Variants in CD2AP observed in about 807,000 individuals in gnomAD.
CD2AP encodes the protein CD2 associated protein, also known as CD2-associated protein.
Under a neutral mutation model 85.1 loss-of-function variants are expected in CD2AP, and 46 were observed. That is an observed-to-expected ratio of 0.54 (90% CI 0.43 to 0.69). The LOEUF is 0.69. Ranked by LOEUF, CD2AP falls within the 30% of genes least tolerant of loss-of-function variation. CD2AP has a pLI of 0.00. For synonymous variants in CD2AP, 255 were observed against 252.9 expected, an observed-to-expected ratio of 1.01 and a Z score of -0.08; for missense variants, 769 against 729.5, an observed-to-expected ratio of 1.05 and a Z score of -0.62.
In CD2AP at chr6:47,558,120, C is replaced by G. The variant is rs1225295398; in HGVS notation, c.541+3354C>G. 3.9e-5 allele frequency among the ~76,000 whole-genome samples: 6 copies of G among 152,074 alleles called. No individual in the cohort carries two copies. In the East Asian group the frequency reaches 1.2e-3, roughly 29 times the overall value. ...ATGGGAGTTTGCTCATGATTTGGCC[C>G]TCTGTTTGTCTTTTATTGGTGTATA... is the stretch of plus-strand genomic sequence containing the variant. On this transcript the variant is annotated intron_variant, in intron 5 of 17. Transcript: ENST00000359314.
chr6:47,604,204 T>C (rs986110389), intron 13 of CD2AP, among the ~76,000 whole-genome samples: 5 of 152,108 alleles, frequency 3.3e-5, no homozygotes, highest in African/African-American at 1.2e-4. Flanking sequence ...GTGCCTGTTA[T>C]GCCACGTGTA....
rs78720301 is a variant in CD2AP at position 47,563,460 on chromosome 6, T to C, written c.541+8694T>C. ...GAGGCAGGGAAAAAGAAGGATGGCTTTTAAAGCTTCTGTCCAAAATTGACA... is the reference window on the plus strand; with the variant it reads ...GAGGCAGGGAAAAAGAAGGATGGCTCTTAAAGCTTCTGTCCAAAATTGACA... On this transcript the variant is annotated intron_variant, in intron 5 of 17. Coordinates refer to ENST00000359314, the MANE Select transcript of CD2AP (RefSeq NM_012120.3). Among the ~76,000 whole-genome samples the C allele has an allele frequency of 1.4e-4, 21 of 152,326 alleles. No homozygotes were observed. In the East Asian group the frequency reaches 3.1e-3, roughly 22 times the overall value.
intron 4 of CD2AP, among the ~76,000 whole-genome samples, chr6:47,552,312 C>A (rs1167130279): frequency 1.3e-5 from 2 of 151,830 alleles, no homozygotes; most frequent in Non-Finnish European, 2.9e-5. Flanking sequence ...TTCTTTCCCC[C>A]CAAGTCCCCA....
intron 11 of CD2AP, among the ~76,000 whole-genome samples, chr6:47,586,941 G>A (rs1019036424): frequency 6.6e-6 from 1 of 152,178 alleles, no homozygotes; most frequent in African/African-American, 2.4e-5. Flanking sequence ...ATGATTCTAA[G>A]TATTTTCAGA....
In CD2AP at chr6:47,564,550, C is replaced by G. The variant is rs145982068; in HGVS notation, c.542-9514C>G. ...GAAATACCCTTCCTTCTTTGTTTAA[C>G]CCTTTTACAATAACTGTTCATTCTA... On this transcript the variant is annotated intron_variant, in intron 5 of 17. Coordinates refer to ENST00000359314, the MANE Select transcript of CD2AP (RefSeq NM_012120.3). Among the ~76,000 whole-genome samples, 284 of 152,166 alleles carry G rather than the reference C, an allele frequency of 1.9e-3. 7 individuals carry two copies. The East Asian group carries it at 0.05, about 27-fold the overall frequency.
intron 5 of CD2AP, among the ~76,000 whole-genome samples, chr6:47,573,854 A>T (rs1302870683): frequency 6.6e-6 from 1 of 152,178 alleles, no homozygotes; most frequent in East Asian, 1.9e-4. Context: ...AATTAAATTT[A>T]CCTAAAATTA....
At chr6:47,484,071 T>A (rs1295438483) in intron 1 of CD2AP, among the ~76,000 whole-genome samples, 1 of 151,582 alleles carries the variant, frequency 6.6e-6, no homozygotes, top group Non-Finnish European at 1.5e-5. Flanking sequence ...GCTTTTTAAA[T>A]TTTTTTTTGG....
At chr6:47,616,364 G>A (rs1769586744) in intron 17 of CD2AP, among the ~76,000 whole-genome samples, 1 of 146,712 alleles carries the variant, frequency 6.8e-6, no homozygotes, top group Non-Finnish European at 1.5e-5. Context: ...AGAGTACTGG[G>A]ATTACAGGCA....
intron 17 of CD2AP, among the ~76,000 whole-genome samples, chr6:47,612,823 G>C (rs528629937): frequency 2.0e-5 from 3 of 152,022 alleles, no homozygotes; most frequent in Non-Finnish European, 4.4e-5. Flanking sequence ...AACTCATAGA[G>C]ATAGAGAACA....
At chr6:47,531,277 G>A (rs1766867887) in intron 2 of CD2AP, among the ~76,000 whole-genome samples, 1 of 151,940 alleles carries the variant, frequency 6.6e-6, no homozygotes, top group South Asian at 2.1e-4. Context: ...CCTAAGAGTT[G>A]TTCTTACTGT....
At chr6:47,602,943 C>T (rs1020393150) in intron 13 of CD2AP, among the ~76,000 whole-genome samples, 2 of 151,748 alleles carry the variant, frequency 1.3e-5, no homozygotes, top group Non-Finnish European at 2.9e-5. Flanking sequence ...ACACATTATT[C>T]GATGGAAGCA....
intron 2 of CD2AP, among the ~76,000 whole-genome samples, chr6:47,521,284 G>T (rs1469348722): frequency 6.6e-6 from 1 of 152,174 alleles, no homozygotes; most frequent in Non-Finnish European, 1.5e-5. Context: ...AGGCGTGGTG[G>T]CTCACACCTG....
chr6:47,488,882 C>CT lies in CD2AP; in HGVS notation c.4+10637dup, dbSNP rs200858341. Among the ~76,000 whole-genome samples, 546 of 151,944 alleles carry CT rather than the reference C, an allele frequency of 3.6e-3. 4 individuals carry two copies. Among genetic ancestry groups the CT allele is most frequent in the African/African-American group, 0.012 (517 of 41,434 alleles). ...CTCCAGCCTGTGCAACTGAGTGAGT[C>CT]TTTCTTAAAAAAAAAATTAATAATT... is the stretch of plus-strand genomic sequence containing the variant. On this transcript the variant is annotated intron_variant, in intron 1 of 17. Coordinates refer to ENST00000359314, the MANE Select transcript of CD2AP (RefSeq NM_012120.3).
At chr6:47,579,211 TG>T (rs1768397287) in intron 8 of CD2AP, among the ~76,000 whole-genome samples, 173 bp from the exon 9 acceptor site, 1 of 152,006 alleles carries the variant, frequency 6.6e-6, no homozygotes, top group Non-Finnish European at 1.5e-5. Flanking sequence ...ATTGCATTCC[TG>T]TGGTCCCAGC....
At chr6:47,491,875 C>T (rs1400370655) in intron 1 of CD2AP, among the ~76,000 whole-genome samples, 3 of 151,988 alleles carry the variant, frequency 2.0e-5, no homozygotes, top group Non-Finnish European at 2.9e-5. Context: ...CTCACCAGCA[C>T]CCCCAAACAG....
chr6:47,513,806 A>G (rs1191282964), intron 2 of CD2AP, among the ~76,000 whole-genome samples: 2 of 150,444 alleles, frequency 1.3e-5, no homozygotes, highest in Non-Finnish European at 3.0e-5. Flanking sequence ...GTTCAACTAT[A>G]CTAGATGTTG....
chr6:47,598,671 C>T (rs6922508), intron 12 of CD2AP, among the ~76,000 whole-genome samples: 41,103 of 150,200 alleles, frequency 0.27, 7,329 homozygotes, highest in East Asian at 0.6. Context: ...AAACATTGTA[C>T]GTTCTCCCTA....
chr6:47,595,837 C>A (rs531068371), intron 11 of CD2AP, 24 bp from the exon 12 acceptor site: 14 of 1,597,262 alleles, frequency 8.8e-6, no homozygotes, highest in Non-Finnish European at 7.7e-6. Flanking sequence ...TTGTTAATAA[C>A]TTGTGAAATA....
At chr6:47,559,888 A>G (rs1010533018) in intron 5 of CD2AP, among the ~76,000 whole-genome samples, 3 of 152,168 alleles carry the variant, frequency 2.0e-5, no homozygotes, top group Non-Finnish European at 4.4e-5. Context: ...ATAGAGCTAG[A>G]AAGTCCTAGT....
Sources: allele counts gnomAD v4.1 joint callset (sites outside exome capture counted in the v4.1 genomes callset), GRCh38; gene constraint gnomAD v4.1.1; transcripts MANE v1.5; gene names NCBI Gene and HGNC (gene_info 2026-07-23, HGNC 2026-07-21).